Variants in RNF169 observed in about 807,000 individuals in gnomAD.
RNF169 encodes ring finger protein 169.
RNF169 carries 24 observed loss-of-function variants against 53.9 expected under a neutral mutation model. The ratio of observed to expected loss-of-function variants is 0.45; its 90% CI spans 0.32 to 0.63. RNF169 has a LOEUF of 0.63. Ranked by LOEUF, RNF169 falls within the 20% of genes least tolerant of loss-of-function variation. The probability of loss-of-function intolerance (pLI) is 0.04; values close to 1 mark genes in which losing one functional copy is unlikely to be tolerated. For synonymous variants in RNF169, 396 were observed against 363.5 expected (o/e 1.09, Z -1.02); for missense variants, 883 against 906.2 (o/e 0.97, Z 0.33).
At chr11:74,825,645 T>C (rs904754048) in intron 4 of RNF169, among the ~76,000 whole-genome samples, 3 of 152,116 alleles carry the variant, frequency 2.0e-5, no homozygotes, top group Non-Finnish European at 4.4e-5. Context: ...CCTAACTCAT[T>C]CTATAAGGCC....
chr11:74,808,359 A>G (rs2035832350), intron 2 of RNF169, among the ~76,000 whole-genome samples: 1 of 152,206 alleles, frequency 6.6e-6, no homozygotes, highest in Admixed American at 6.5e-5. Context: ...TAAAAATAGC[A>G]ATATTTATGT....
intron 1 of RNF169, among the ~76,000 whole-genome samples, chr11:74,775,703 T>G (rs373380270): frequency 2.5e-4 from 38 of 152,206 alleles, no homozygotes; most frequent in East Asian, 9.6e-4. Flanking sequence ...AAATGAAACA[T>G]AAGTGCTCGG....
intron 1 of RNF169, among the ~76,000 whole-genome samples, chr11:74,767,788 A>G (rs2035197419): frequency 6.6e-6 from 1 of 151,942 alleles, no homozygotes; most frequent in East Asian, 1.9e-4. Context: ...CGTGTTAGCC[A>G]GGATGGTCTC....
intron 2 of RNF169, among the ~76,000 whole-genome samples, chr11:74,805,689 T>C (rs923602775): frequency 2.0e-5 from 3 of 152,152 alleles, no homozygotes; most frequent in African/African-American, 4.8e-5. Flanking sequence ...GATTGATAAA[T>C]TGAACTGCAT....
intron 1 of RNF169, among the ~76,000 whole-genome samples, chr11:74,752,779 TATGGAATTTTACTGA>T (rs981030540): frequency 7.2e-5 from 11 of 152,168 alleles, no homozygotes; most frequent in Non-Finnish European, 1.6e-4. Flanking sequence ...CAGTATGTTG[TATGGAATTTTACTGA>T]GTGGATATAG....
chr11:74,766,791 G>C (rs188223354), intron 1 of RNF169, among the ~76,000 whole-genome samples: 193 of 152,230 alleles, frequency 1.3e-3, no homozygotes, highest in African/African-American at 4.5e-3. Context: ...CATTGAAGAA[G>C]TACCAGGCAC....
At chr11:74,783,660 G>C (rs2035448843) in intron 1 of RNF169, among the ~76,000 whole-genome samples, 2 of 152,180 alleles carry the variant, frequency 1.3e-5, no homozygotes, top group African/African-American at 4.8e-5. Context: ...GACTGAGGAA[G>C]ATGATGTTGC....
chr11:74,781,912 T>C (rs950305563), intron 1 of RNF169, among the ~76,000 whole-genome samples: 1 of 152,196 alleles, frequency 6.6e-6, no homozygotes, highest in Non-Finnish European at 1.5e-5. Flanking sequence ...CATAGAGTCA[T>C]TATGAAGTTG....
intron 1 of RNF169, among the ~76,000 whole-genome samples, chr11:74,780,696 G>C (rs778744875): frequency 1.3e-5 from 2 of 152,178 alleles, no homozygotes; most frequent in Non-Finnish European, 2.9e-5. Context: ...TTCTGGCTAT[G>C]ATGAAGCAGA....
chr11:74,828,324 C>T (rs2036128490), intron 4 of RNF169, among the ~76,000 whole-genome samples: 1 of 152,092 alleles, frequency 6.6e-6, no homozygotes, highest in Non-Finnish European at 1.5e-5. Context: ...TCAAAGAAAT[C>T]AGAGATGACC....
At chr11:74,789,470 T>G (rs1001327599) in intron 1 of RNF169, among the ~76,000 whole-genome samples, 156 bp from the exon 2 acceptor site, 30 of 152,344 alleles carry the variant, frequency 2.0e-4, no homozygotes, top group African/African-American at 7.2e-4. Flanking sequence ...AGTGTATACT[T>G]TCCTCTACCT....
intron 1 of RNF169, among the ~76,000 whole-genome samples, chr11:74,774,603 G>T (rs1038802914): frequency 6.6e-6 from 1 of 152,114 alleles, no homozygotes. Flanking sequence ...AGCAGTTTTG[G>T]TAATGTGGTA....
At chr11:74,794,383 A>G (rs2035618575) in intron 2 of RNF169, among the ~76,000 whole-genome samples, 1 of 152,210 alleles carries the variant, frequency 6.6e-6, no homozygotes, top group African/African-American at 2.4e-5. Context: ...AATTGAGGAC[A>G]TGAAGGATGT....
intron 2 of RNF169, among the ~76,000 whole-genome samples, chr11:74,792,058 C>G (rs373218438): frequency 2.0e-4 from 30 of 152,326 alleles, no homozygotes; most frequent in African/African-American, 7.0e-4. Flanking sequence ...GAAACTGTGG[C>G]TAGTTACTAT....
At chr11:74,824,233 C>T (rs1473136189) in intron 4 of RNF169, among the ~76,000 whole-genome samples, 4 of 152,092 alleles carry the variant, frequency 2.6e-5, no homozygotes, top group African/African-American at 7.2e-5. Flanking sequence ...AATAGAAATT[C>T]TGGAGCTGAA....
chr11:74,809,784 G>A (rs764849711), intron 2 of RNF169, among the ~76,000 whole-genome samples: 1 of 152,234 alleles, frequency 6.6e-6, no homozygotes, highest in Non-Finnish European at 1.5e-5. Flanking sequence ...TGCCAAGGAG[G>A]CCTCGTCCAG....
At chr11:74,800,708 A>G (rs575887286) in intron 2 of RNF169, among the ~76,000 whole-genome samples, 2 of 152,212 alleles carry the variant, frequency 1.3e-5, no homozygotes, top group Non-Finnish European at 2.9e-5. Context: ...TCAAAAAGTC[A>G]TAGTTGGAGG....
intron 2 of RNF169, among the ~76,000 whole-genome samples, chr11:74,793,649 A>T (rs1047918619): frequency 3.3e-5 from 5 of 152,214 alleles, no homozygotes; most frequent in Non-Finnish European, 5.9e-5. Context: ...TGTTCTTAAC[A>T]TCCTTTCTAG....
chr11:74,772,768 A>G (rs1313978888), intron 1 of RNF169, among the ~76,000 whole-genome samples: 1 of 152,188 alleles, frequency 6.6e-6, no homozygotes, highest in African/African-American at 2.4e-5. Context: ...GATTAATGGG[A>G]TAAGATTAGC....
Sources: allele counts gnomAD v4.1 joint callset (sites outside exome capture counted in the v4.1 genomes callset), GRCh38; gene constraint gnomAD v4.1.1; transcripts MANE v1.5; gene names NCBI Gene and HGNC (gene_info 2026-07-23, HGNC 2026-07-21).